STOX1: variants seen among roughly 807,000 people sequenced by gnomAD.
STOX1 encodes the protein storkhead box 1, also known as storkhead-box protein 1.
In STOX1, 57 loss-of-function variants were observed where a neutral mutation model predicts 74.8. The ratio of observed to expected loss-of-function variants is 0.76; its 90% confidence interval spans 0.62 to 0.95. The LOEUF is 0.95. Ranked by LOEUF, STOX1 falls within the 40% of genes least tolerant of loss-of-function variation. The pLI is 0.00. For synonymous variants in STOX1, 375 were observed against 401.3 expected, an observed-to-expected ratio of 0.93 and a Z score of 0.78; for missense variants, 1,010 against 1,117.0, an observed-to-expected ratio of 0.90 and a Z score of 1.37.
intron 1 of STOX1, among the ~76,000 whole-genome samples, chr10:68,854,094 C>T (rs942151516): frequency 6.6e-6 from 1 of 151,896 alleles, no homozygotes; most frequent in Non-Finnish European, 1.5e-5. Flanking sequence ...CTCCCAGGTT[C>T]AAGTGATTCC....
Position 68,885,057 on chromosome 10 carries a change from A to G in STOX1, c.1261A>G (p.Lys421Glu), listed in dbSNP as rs1840907305. Reference sequence around the variant, plus strand: ...TAAGAAAAGGCAGGGTCTGTCTGCAAAACCTCAAGGGCAGGGCCATTCTCG... The same window carrying G: ...TAAGAAAAGGCAGGGTCTGTCTGCAGAACCTCAAGGGCAGGGCCATTCTCG... ...GVKKRQGLSA[K>E]PQGQGHSRRD... Residue 421 changes from lysine (K) to glutamate (E), a missense_variant, in exon 3 of 4, where the codon AAA becomes GAA. Transcript: ENST00000298596. 1.2e-6 allele frequency: 2 copies of G among 1,614,068 alleles called. No individual in the cohort carries two copies. The highest frequency in any genetic ancestry group is 1.3e-5 in the African/African-American group (1 of 74,920).
At chr10:68,843,296 T>G (rs1039540803) in intron 1 of STOX1, among the ~76,000 whole-genome samples, 1 of 152,178 alleles carries the variant, frequency 6.6e-6, no homozygotes, top group Non-Finnish European at 1.5e-5. Flanking sequence ...CCTCCCAAAG[T>G]GCTGGGATTA....
At chr10:68,858,384 C>T (rs763152396) in intron 1 of STOX1, among the ~76,000 whole-genome samples, 9 of 152,082 alleles carry the variant, frequency 5.9e-5, no homozygotes, top group East Asian at 3.8e-4. Flanking sequence ...TGCTGAGGAG[C>T]GGTCACCTCC....
chr10:68,833,896 G>A (rs1839476075), intron 1 of STOX1, among the ~76,000 whole-genome samples: 1 of 152,186 alleles, frequency 6.6e-6, no homozygotes, highest in Admixed American at 6.5e-5. Flanking sequence ...ATTCAGATTT[G>A]CCTCTGCTCA....
chr10:68,845,548 AC>A (rs1839819713), intron 1 of STOX1, among the ~76,000 whole-genome samples: 1 of 151,854 alleles, frequency 6.6e-6, no homozygotes, highest in Admixed American at 6.6e-5. Flanking sequence ...TGCTGGAATT[AC>A]AGGCATGAGC....
intron 1 of STOX1, among the ~76,000 whole-genome samples, chr10:68,830,151 A>G (rs1589212223): frequency 6.6e-6 from 1 of 152,106 alleles, no homozygotes; most frequent in East Asian, 1.9e-4. Flanking sequence ...AATATGTATC[A>G]CACGTCACCT....
At chr10:68,832,904 C>T (rs1839446862) in intron 1 of STOX1, among the ~76,000 whole-genome samples, 1 of 151,824 alleles carries the variant, frequency 6.6e-6, no homozygotes, top group Non-Finnish European at 1.5e-5. Flanking sequence ...GCTGGGAACA[C>T]AGTTGCGTGC....
intron 2 of STOX1, among the ~76,000 whole-genome samples, chr10:68,882,621 C>T (rs1420664292): frequency 6.6e-6 from 1 of 151,914 alleles, no homozygotes; most frequent in Non-Finnish European, 1.5e-5. Flanking sequence ...GCCTCAGCCT[C>T]CTCAGTAGCT....
chr10:68,830,641 C>T (rs765704022), intron 1 of STOX1, among the ~76,000 whole-genome samples: 7 of 152,126 alleles, frequency 4.6e-5, no homozygotes, highest in Non-Finnish European at 1.0e-4. Flanking sequence ...CCGCGCCTGA[C>T]GATTTTTGTT....
intron 1 of STOX1, among the ~76,000 whole-genome samples, chr10:68,852,810 G>T (rs1404014766): frequency 1.3e-5 from 2 of 151,550 alleles, no homozygotes; most frequent in Non-Finnish European, 2.9e-5. Flanking sequence ...ATGTGAGATG[G>T]TGGTGTTAGG....
rs1489192353 is a variant in STOX1 at position 68,885,055 on chromosome 10, C to T, written c.1259C>T (p.Ala420Val). Residue 420 changes from alanine (A) to valine (V), a missense_variant, in exon 3 of 4, where the codon GCA becomes GTA. Ala to Val is a moderately conservative substitution (Grantham distance 64, BLOSUM62 0). Transcript: ENST00000298596. ...GTTAAGAAAAGGCAGGGTCTGTCTG[C>T]AAAACCTCAAGGGCAGGGCCATTCT... Reference protein sequence around the residue: ...EGVKKRQGLSAKPQGQGHSRR... With the variant: ...EGVKKRQGLSVKPQGQGHSRR... The T allele has an allele frequency of 2.5e-5, 41 of 1,614,080 alleles. No homozygotes were observed. The highest frequency in any genetic ancestry group is 3.5e-5 in the Non-Finnish European group (41 of 1,180,002).
At chr10:68,841,155 C>A (rs573976077) in intron 1 of STOX1, among the ~76,000 whole-genome samples, 1 of 151,850 alleles carries the variant, frequency 6.6e-6, no homozygotes, top group East Asian at 2.0e-4. Flanking sequence ...CCATGTTGGT[C>A]AGGCTGGTCT....
chr10:68,879,940 G>A (rs1840769699), intron 1 of STOX1, among the ~76,000 whole-genome samples: 1 of 152,094 alleles, frequency 6.6e-6, no homozygotes, highest in Non-Finnish European at 1.5e-5. Flanking sequence ...TAGGCTTATA[G>A]CACTGAATGT....
At chr10:68,865,182 A>G (rs1450249215) in intron 1 of STOX1, among the ~76,000 whole-genome samples, 1 of 152,272 alleles carries the variant, frequency 6.6e-6, no homozygotes, top group Non-Finnish European at 1.5e-5. Context: ...CTTGCCCTAC[A>G]TACGTCTGGC....
chr10:68,859,412 A>G (rs1050897961), intron 1 of STOX1, among the ~76,000 whole-genome samples: 2 of 152,066 alleles, frequency 1.3e-5, no homozygotes, highest in Admixed American at 6.5e-5. Context: ...AAACTAGGCA[A>G]TCCTAGTTGA....
chr10:68,863,578 T>C (rs1840321808), intron 1 of STOX1, among the ~76,000 whole-genome samples: 2 of 152,136 alleles, frequency 1.3e-5, no homozygotes, highest in Admixed American at 6.5e-5. Flanking sequence ...GCATTAGATA[T>C]TGCAGTACCA....
chr10:68,892,826 A>G lies in STOX1; in HGVS notation c.*90A>G. The stretch of plus-strand genomic sequence containing the variant: ...TCATGTAAGAATTGAGTATATAAGA[A>G]TTGTCTAAAGGCAAGCATATCTATA... On this transcript the variant is annotated 3_prime_UTR_variant, in exon 4 of 4. Transcript: ENST00000298596. 1 of 1,415,230 alleles carries G rather than the reference A, an allele frequency of 7.1e-7. No homozygotes were observed. The highest frequency in any genetic ancestry group is 9.8e-7 in the Non-Finnish European group (1 of 1,018,888). The allele number at this position is 1,415,230 out of a possible 1,614,324, so 87.7% of individuals were successfully genotyped here.
At chr10:68,876,302 A>G (rs1840676418) in intron 1 of STOX1, among the ~76,000 whole-genome samples, 1 of 151,824 alleles carries the variant, frequency 6.6e-6, no homozygotes, top group Non-Finnish European at 1.5e-5. Context: ...GGATTCAGAC[A>G]TGCGCCACCA....
intron 1 of STOX1, among the ~76,000 whole-genome samples, chr10:68,879,115 C>T (rs1437901181): frequency 2.0e-5 from 3 of 152,136 alleles, no homozygotes; most frequent in African/African-American, 7.2e-5. Flanking sequence ...GGGCTGGCCT[C>T]CCCCAGCTCT....
Sources: gnomAD v4.1 joint callset for allele counts (sites outside exome capture counted in the v4.1 genomes callset) on GRCh38, gnomAD v4.1.1 for gene constraint, MANE v1.5 for transcripts, NCBI Gene and HGNC (gene_info 2026-07-23, HGNC 2026-07-21) for gene names.